Variants in SLC6A17 observed in about 807,000 individuals in gnomAD.
SLC6A17 encodes the protein sodium-dependent neutral amino acid transporter SLC6A17.
In SLC6A17, 21 loss-of-function variants were observed where a neutral mutation model predicts 64.5. The observed-to-expected ratio is 0.33, with a 90% CI of 0.23 to 0.47. The LOEUF (loss-of-function observed/expected upper bound fraction) is 0.47. Among genes scored for constraint, SLC6A17 ranks in the 20% least tolerant of loss-of-function variants. The pLI, the probability that SLC6A17 is intolerant of heterozygous loss-of-function variation, is 1.00. For missense variants in SLC6A17, 682 were observed against 963.2 expected (o/e 0.71, Z 3.86); for synonymous variants, 372 against 399.5 (o/e 0.93, Z 0.82).
At chr1:110,160,404 C>T (rs1655875543) in intron 1 of SLC6A17, among the ~76,000 whole-genome samples, 1 of 152,218 alleles carries the variant, frequency 6.6e-6, no homozygotes, top group Non-Finnish European at 1.5e-5. Flanking sequence ...CCTAGAACAC[C>T]TGTAAATACC....
At chr1:110,170,431 C>T (rs1025932473) in intron 2 of SLC6A17, among the ~76,000 whole-genome samples, 1 of 152,176 alleles carries the variant, frequency 6.6e-6, no homozygotes, top group Non-Finnish European at 1.5e-5. Context: ...TTGCAGTGAG[C>T]CGAGATCGCG....
At chr1:110,156,891 T>C (rs1414056991) in intron 1 of SLC6A17, among the ~76,000 whole-genome samples, 1 of 152,194 alleles carries the variant, frequency 6.6e-6, no homozygotes, top group African/African-American at 2.4e-5. Flanking sequence ...ACACCCTTGG[T>C]TCCCTCTGTC....
Position 110,174,889 on chromosome 1 carries a change from A to G in SLC6A17, c.682A>G (p.Thr228Ala). Residue 228 changes from threonine to alanine, a missense_variant, in exon 5 of 12, where the codon ACC becomes GCC. Physicochemically the swap from Thr to Ala is moderately conservative, Grantham distance 58. Around this residue, in one of 3 missense-constraint regions of SLC6A17, gnomAD observed 415 missense variants for 603.8 expected, o/e 0.69. Coordinates refer to ENST00000331565, the MANE Select transcript of SLC6A17 (RefSeq NM_001010898.4). ...GAGTGGGGGCCTCAACTGGAAGATGACCCTGTGCCTCCTCGTGGCCTGGAG... is the reference window on the plus strand; with the variant it reads ...GAGTGGGGGCCTCAACTGGAAGATGGCCCTGTGCCTCCTCGTGGCCTGGAG... Reference protein sequence around the residue: ...SESGGLNWKMTLCLLVAWSIV... With the variant: ...SESGGLNWKMALCLLVAWSIV... 1 of 1,614,072 alleles carries G rather than the reference A, an allele frequency of 6.2e-7. No homozygotes were observed. Among genetic ancestry groups the G allele is most frequent in the Non-Finnish European group, 8.5e-7 (1 of 1,180,002 alleles).
At position 110,202,110 on chromosome 1, in the gene SLC6A17, C is replaced by T. The variant is rs1162652761; in HGVS notation, c.*3666C>T. On this transcript the variant is annotated 3_prime_UTR_variant, in exon 12 of 12. Transcript: ENST00000331565. ...GTCAGAGCCCTGGGTCAAAACCACT[C>T]AGCCCAGGGGAGGGGATGAGGCATT... 2.0e-5 allele frequency: 3 copies of T among 152,246 alleles called. No individual in the cohort carries two copies. Among genetic ancestry groups the T allele is most frequent in the African/African-American group, 7.2e-5 (3 of 41,432 alleles). The allele number at this position is 152,246 out of a possible 1,614,324, so 9.4% of individuals were successfully genotyped here.
intron 9 of SLC6A17, chr1:110,195,082 C>A: frequency 2.2e-6 from 1 of 460,300 alleles, no homozygotes; most frequent in Non-Finnish European, 4.0e-6. Context: ...TCGTCTTGGG[C>A]AGGGGCACTC....
At chr1:110,166,163 A>G (rs939834653) in intron 1 of SLC6A17, 1 of 152,268 alleles carries the variant, frequency 6.6e-6, no homozygotes, top group Non-Finnish European at 1.5e-5. Context: ...GGCACTGAGC[A>G]AACAGCCCTT....
At chr1:110,184,676 G>C (rs1289546145) in intron 6 of SLC6A17, among the ~76,000 whole-genome samples, 1 of 152,186 alleles carries the variant, frequency 6.6e-6, no homozygotes, top group Non-Finnish European at 1.5e-5. Flanking sequence ...AAGTGCCGAG[G>C]CTGGGAGCAA....
chr1:110,175,063 G>C (rs1656339246), intron 5 of SLC6A17, 103 bp downstream of exon 5: 5 of 1,408,468 alleles, frequency 3.5e-6, no homozygotes, highest in Non-Finnish European at 4.8e-6. Context: ...GGGTCTTCTG[G>C]GTGGATAACA....
chr1:110,171,163 G>A (rs1429703833), intron 2 of SLC6A17, among the ~76,000 whole-genome samples: 5 of 152,172 alleles, frequency 3.3e-5, no homozygotes, highest in African/African-American at 1.2e-4. Context: ...GCTCTCTACT[G>A]GCAAGGCTTA....
intron 1 of SLC6A17, among the ~76,000 whole-genome samples, chr1:110,157,102 T>C (rs978914519): frequency 2.0e-5 from 3 of 152,240 alleles, no homozygotes; most frequent in Non-Finnish European, 4.4e-5. Context: ...ATTGGTATAC[T>C]CTCACAGGTC....
chr1:110,152,759 G>A (rs1655643131), intron 1 of SLC6A17, among the ~76,000 whole-genome samples: 1 of 152,146 alleles, frequency 6.6e-6, no homozygotes, highest in African/African-American at 2.4e-5. Flanking sequence ...TGTAAAACAG[G>A]GATGCCTATG....
At chr1:110,152,039 G>A (rs1655623957) in intron 1 of SLC6A17, among the ~76,000 whole-genome samples, 1 of 152,218 alleles carries the variant, frequency 6.6e-6, no homozygotes, top group African/African-American at 2.4e-5. Flanking sequence ...GCGCCTAACT[G>A]TTAAGGCCTT....
chr1:110,190,386 C>T (rs1282102400), intron 6 of SLC6A17, among the ~76,000 whole-genome samples: 1 of 152,200 alleles, frequency 6.6e-6, no homozygotes, highest in Non-Finnish European at 1.5e-5. Context: ...CTACCATCCC[C>T]CACCTCTTTC....
intron 6 of SLC6A17, among the ~76,000 whole-genome samples, chr1:110,185,260 C>G (rs1388062065): frequency 6.6e-6 from 1 of 152,238 alleles, no homozygotes; most frequent in Non-Finnish European, 1.5e-5. Flanking sequence ...AGGACTGCTC[C>G]TGGCAAGTGG....
intron 6 of SLC6A17, among the ~76,000 whole-genome samples, chr1:110,186,802 C>T (rs1656697305): frequency 6.6e-6 from 1 of 152,160 alleles, no homozygotes; most frequent in South Asian, 2.1e-4. Flanking sequence ...AAACCTGTGA[C>T]GTGGGTATTG....
Position 110,167,107 on chromosome 1 carries a change from C to T in SLC6A17, c.178C>T (p.Arg60Trp), listed in dbSNP as rs1416185596. ...AVEEELDAED[R>W]PAWNSKLQYI... is the part of the protein sequence containing the mutation. ...GGAGGAGGAGCTGGATGCAGAGGACCGGCCGGCCTGGAACAGTAAGCTGCA... is the reference window on the plus strand; with the variant it reads ...GGAGGAGGAGCTGGATGCAGAGGACTGGCCGGCCTGGAACAGTAAGCTGCA... The change falls in exon 2 of 12, where the codon CGG becomes TGG. Residue 60 changes from arginine to tryptophan, a missense_variant. By Grantham distance (101) the Arg-to-Trp change is moderately radical. Coordinates refer to ENST00000331565, the MANE Select transcript of SLC6A17 (RefSeq NM_001010898.4). The T allele has an allele frequency of 2.5e-6, 4 of 1,612,468 alleles. No individual in the cohort carries two copies. Among genetic ancestry groups the T allele is most frequent in the Admixed American group, 1.7e-5 (1 of 59,842 alleles).
At position 110,201,101 on chromosome 1, in the gene SLC6A17, T is replaced by G. The variant is rs77633389; in HGVS notation, c.*2657T>G. 7.8e-4 allele frequency: 119 copies of G among 152,304 alleles called. 2 individuals carry two copies. Among genetic ancestry groups the G allele is most frequent in the African/African-American group, 2.7e-3 (113 of 41,570 alleles). 9.4% of individuals were successfully genotyped at this position (152,304 alleles called of 1,614,324 possible). A position where few individuals can be genotyped will look rare whatever the true frequency, so the allele number is the denominator to read the frequency against. ...CCAGTCAGCTTCTTGCTGTTCCCAGTAGAATCGCTAGCTCTTCTCCAGAGG... is the reference window on the plus strand; with the variant it reads ...CCAGTCAGCTTCTTGCTGTTCCCAGGAGAATCGCTAGCTCTTCTCCAGAGG... On this transcript the variant is annotated 3_prime_UTR_variant, in exon 12 of 12. Transcript: ENST00000331565.
chr1:110,190,886 C>A (rs1322026876), intron 6 of SLC6A17, among the ~76,000 whole-genome samples: 1 of 152,116 alleles, frequency 6.6e-6, no homozygotes, highest in Non-Finnish European at 1.5e-5. Flanking sequence ...ATCACTCTGC[C>A]CCGACTAACC....
Position 110,173,906 on chromosome 1 carries a change from G to T in SLC6A17, c.445-67G>T, listed in dbSNP as rs1656305603. ...GGCGCTGCCGACGTGCTGGGCCTCG[G>T]GTGGAGCGTGGGGGCAGGGTGGAGT... On this transcript the variant is annotated intron_variant, in intron 3 of 11. Coordinates refer to ENST00000331565, the MANE Select transcript of SLC6A17 (RefSeq NM_001010898.4). 3.4e-5 allele frequency: 52 copies of T among 1,526,786 alleles called. No individual in the cohort carries two copies. The South Asian group carries it at 4.7e-4, about 14-fold the overall frequency. The allele number at this position is 1,526,786 out of a possible 1,614,324, so 94.6% of individuals were successfully genotyped here.
Sources: allele counts gnomAD v4.1 joint callset (sites outside exome capture counted in the v4.1 genomes callset), GRCh38; gene constraint gnomAD v4.1.1; regional missense constraint gnomAD v4.1.1; transcripts MANE v1.5; gene names NCBI Gene and HGNC (gene_info 2026-07-23, HGNC 2026-07-21).